The following CDK6 variants were observed in gnomAD, a reference collection of about 807,000 sequenced individuals.
The protein encoded by CDK6 is cyclin dependent kinase 6.
Under a neutral mutation model 37.1 loss-of-function variants are expected in CDK6, and 6 were observed. That is an observed-to-expected ratio of 0.16 (90% CI 0.09 to 0.32). The LOEUF is 0.32. Ranked by LOEUF, CDK6 falls within the 10% of genes least tolerant of loss-of-function variation. CDK6 has a pLI of 1.00. For synonymous variants in CDK6, 160 were observed against 161.3 expected (o/e 0.99, Z 0.06); for missense variants, 224 against 418.9 (o/e 0.53, Z 4.06).
chr7:92,784,880 G>A (rs1289296382), intron 2 of CDK6, among the ~76,000 whole-genome samples: 1 of 152,148 alleles, frequency 6.6e-6, no homozygotes, highest in Non-Finnish European at 1.5e-5. Context: ...TAAAAGTGAG[G>A]ATACTTCAAG....
At chr7:92,680,137 A>G (rs1356406757) in intron 4 of CDK6, among the ~76,000 whole-genome samples, 1 of 151,888 alleles carries the variant, frequency 6.6e-6, no homozygotes, top group Non-Finnish European at 1.5e-5. Flanking sequence ...GGAAACTATT[A>G]AGAATTAAAT....
At chr7:92,734,187 G>C (rs1422275613) in intron 3 of CDK6, among the ~76,000 whole-genome samples, 2 of 151,922 alleles carry the variant, frequency 1.3e-5, no homozygotes, top group Non-Finnish European at 1.5e-5. Context: ...TCTTGTTCTG[G>C]GCTCCTCAGT....
chr7:92,638,366 T>C (rs753655965), intron 5 of CDK6, among the ~76,000 whole-genome samples: 32 of 152,224 alleles, frequency 2.1e-4, no homozygotes, highest in Non-Finnish European at 4.0e-4. Context: ...TGTCCCACAA[T>C]TGAACAACGT....
chr7:92,673,351 C>T (rs556279616), intron 4 of CDK6, among the ~76,000 whole-genome samples: 2 of 152,176 alleles, frequency 1.3e-5, no homozygotes, highest in East Asian at 3.9e-4. Context: ...TTGACAGGTT[C>T]CCCCTCTATA....
intron 2 of CDK6, among the ~76,000 whole-genome samples, chr7:92,805,872 C>A (rs6975474): frequency 6.6e-6 from 1 of 151,944 alleles, no homozygotes; most frequent in Non-Finnish European, 1.5e-5. Context: ...AACTACCTAC[C>A]GGTTCTCTTC....
rs1010164471 is a variant in CDK6, at chr7:92,825,908, AAT to A, written c.233+7181_233+7182del. 1.1e-4 allele frequency among the ~76,000 whole-genome samples: 17 copies of A among 152,318 alleles called. No individual in the cohort carries two copies. In the East Asian group the frequency reaches 3.3e-3, roughly 29 times the overall value. On this transcript the variant is annotated intron_variant, in intron 2 of 7. Coordinates refer to ENST00000424848, the MANE Select transcript of CDK6 (RefSeq NM_001145306.2). The stretch of plus-strand genomic sequence containing the variant: ...AGTTGCACAGTTAACTATAAGAATG[AAT>A]TATACTTAAACTTTCATATAAACTA...
rs1304718465 is a variant in CDK6 at position 92,833,788 on chromosome 7, A to C, written c.-367-98T>G. On this transcript the variant is annotated intron_variant, in intron 1 of 7. Transcript: ENST00000424848. The surrounding 1 kb of genome is among the most constrained non-coding windows in gnomAD (Gnocchi z 6.1). ...AGACTCCCCTCCTCCTCCTTTACGAAGCCTCCATCGCTACCCTCCGCGCGC... is the reference window on the plus strand; with the variant it reads ...AGACTCCCCTCCTCCTCCTTTACGACGCCTCCATCGCTACCCTCCGCGCGC... 1 of 404,360 alleles carries C rather than the reference A, an allele frequency of 2.5e-6. No individual in the cohort carries two copies. Among genetic ancestry groups the C allele is most frequent in the Non-Finnish European group, 4.3e-6 (1 of 230,308 alleles). The allele number at this position is 404,360 out of a possible 1,614,324, so 25.0% of individuals were successfully genotyped here.
At chr7:92,646,440 C>T (rs1562923185) in intron 5 of CDK6, among the ~76,000 whole-genome samples, 1 of 150,444 alleles carries the variant, frequency 6.6e-6, no homozygotes, top group Non-Finnish European at 1.5e-5. Context: ...CTGTGTCACC[C>T]AGGCCAGAGT....
intron 3 of CDK6, among the ~76,000 whole-genome samples, chr7:92,771,782 T>A (rs1799724748): frequency 6.6e-6 from 1 of 152,198 alleles, no homozygotes; most frequent in Non-Finnish European, 1.5e-5. Flanking sequence ...GCATTCTATA[T>A]AAAGAATCAA....
intron 2 of CDK6, among the ~76,000 whole-genome samples, chr7:92,803,579 G>A (rs922194589): frequency 3.3e-5 from 5 of 152,162 alleles, no homozygotes; most frequent in Non-Finnish European, 5.9e-5. Context: ...GACAGTGTGG[G>A]ACATGAACAT....
intron 4 of CDK6, among the ~76,000 whole-genome samples, chr7:92,723,062 G>A (rs547604756): frequency 1.3e-5 from 2 of 152,270 alleles, no homozygotes; most frequent in East Asian, 3.9e-4. Flanking sequence ...TGTAATCCCA[G>A]CTACTTGGGA....
chr7:92,779,162 C>G (rs1182721067), intron 2 of CDK6, among the ~76,000 whole-genome samples: 9 of 152,036 alleles, frequency 5.9e-5, no homozygotes, highest in Non-Finnish European at 1.0e-4. Context: ...AAAATAACAT[C>G]TAACCCACCC....
intron 1 of CDK6, among the ~76,000 whole-genome samples, chr7:92,836,181 G>A (rs965395195): frequency 6.6e-6 from 1 of 151,964 alleles, no homozygotes; most frequent in African/African-American, 2.4e-5. Flanking sequence ...GTGTGTGTGC[G>A]TACGGATACG....
At chr7:92,646,185 T>C (rs1301714986) in intron 5 of CDK6, among the ~76,000 whole-genome samples, 2 of 152,198 alleles carry the variant, frequency 1.3e-5, no homozygotes, top group African/African-American at 4.8e-5. Flanking sequence ...TCTAAGCTCT[T>C]AACAGTTTTA....
intron 2 of CDK6, among the ~76,000 whole-genome samples, chr7:92,828,089 AATG>A (rs1224921415): frequency 1.3e-5 from 2 of 152,130 alleles, no homozygotes; most frequent in Non-Finnish European, 2.9e-5. Flanking sequence ...CAATATTATT[AATG>A]AATTACCTGC....
intron 2 of CDK6, among the ~76,000 whole-genome samples, chr7:92,804,756 T>C (rs1329359884): frequency 6.6e-6 from 1 of 152,196 alleles, no homozygotes; most frequent in Non-Finnish European, 1.5e-5. Flanking sequence ...AGCCATCCTG[T>C]GCATTGCAGG....
At chr7:92,807,734 C>T (rs1414624037) in intron 2 of CDK6, among the ~76,000 whole-genome samples, 2 of 152,034 alleles carry the variant, frequency 1.3e-5, no homozygotes, top group East Asian at 3.9e-4. Flanking sequence ...CAATTGACTT[C>T]GTGTTTCCAT....
At chr7:92,764,212 C>T (rs939872194) in intron 3 of CDK6, among the ~76,000 whole-genome samples, 3 of 150,168 alleles carry the variant, frequency 2.0e-5, no homozygotes, top group Non-Finnish European at 3.0e-5. Flanking sequence ...GATCATGGTT[C>T]GCTGCAACCT....
intron 2 of CDK6, among the ~76,000 whole-genome samples, chr7:92,792,919 T>G (rs1800318981): frequency 6.6e-6 from 1 of 151,326 alleles, no homozygotes; most frequent in Non-Finnish European, 1.5e-5. Context: ...ACAAGCAGAA[T>G]AGCATCCCTA....
Sources: gnomAD v4.1 joint callset for allele counts (sites outside exome capture counted in the v4.1 genomes callset) on GRCh38, gnomAD v4.1.1 for gene constraint, Gnocchi (gnomAD v3.1) non-coding constraint, MANE v1.5 for transcripts, NCBI Gene and HGNC (gene_info 2026-07-23, HGNC 2026-07-21) for gene names.